Variants in GPC5 observed in about 807,000 individuals in gnomAD.
GPC5 encodes the protein glypican-5.
A neutral mutation model predicts 53.9 loss-of-function variants in GPC5; 47 were observed. That is an observed-to-expected ratio of 0.87 (90% CI 0.69 to 1.11). GPC5 has a LOEUF of 1.11. GPC5 is among the 50% of genes most tolerant of loss of function. The pLI, the probability that GPC5 is intolerant of heterozygous loss-of-function variation, is 0.00. For missense variants in GPC5, 748 were observed against 713.1 expected, an observed-to-expected ratio of 1.05 and a Z score of -0.56; for synonymous variants, 286 against 263.3, an observed-to-expected ratio of 1.09 and a Z score of -0.84.
At chr13:91,790,673 T>C (rs1263569085) in intron 5 of GPC5, among the ~76,000 whole-genome samples, 2 of 152,212 alleles carry the variant, frequency 1.3e-5, no homozygotes, top group African/African-American at 4.8e-5. Flanking sequence ...TCTGATAGAG[T>C]GTGATAAACT....
chr13:92,802,204 A>G (rs369400129), intron 7 of GPC5, among the ~76,000 whole-genome samples: 2 of 151,796 alleles, frequency 1.3e-5, no homozygotes, highest in Admixed American at 6.6e-5. Flanking sequence ...TTGCGTTACA[A>G]TTGCCTACAG....
chr13:91,842,582 G>T (rs942527839), intron 5 of GPC5, among the ~76,000 whole-genome samples: 1 of 149,940 alleles, frequency 6.7e-6, no homozygotes, highest in Non-Finnish European at 1.5e-5. Context: ...GGCGCCTGTA[G>T]TCCCAGCTAC....
chr13:92,783,964 T>C (rs753736167), intron 7 of GPC5, among the ~76,000 whole-genome samples: 2 of 152,206 alleles, frequency 1.3e-5, no homozygotes, highest in Non-Finnish European at 2.9e-5. Context: ...TCCCCCTTCA[T>C]ATCTAAAGCC....
intron 5 of GPC5, among the ~76,000 whole-genome samples, chr13:91,856,510 A>G (rs1476304409): frequency 1.3e-5 from 2 of 151,546 alleles, no homozygotes; most frequent in Admixed American, 6.6e-5. Context: ...CAATTCTGCA[A>G]GTAGTAACTC....
At chr13:91,892,948 AT>A (rs1233481331) in intron 5 of GPC5, among the ~76,000 whole-genome samples, 1 of 151,994 alleles carries the variant, frequency 6.6e-6, no homozygotes, top group Non-Finnish European at 1.5e-5. Flanking sequence ...AAACTAAGAT[AT>A]TAGATAAAAT....
intron 6 of GPC5, among the ~76,000 whole-genome samples, chr13:92,064,870 G>A (rs2041155658): frequency 6.6e-6 from 1 of 151,648 alleles, no homozygotes; most frequent in African/African-American, 2.4e-5. Context: ...GATACCTAGA[G>A]GAGTGTTTCT....
chr13:92,674,818 C>T (rs575417518), intron 7 of GPC5, among the ~76,000 whole-genome samples: 271 of 152,202 alleles, frequency 1.8e-3, no homozygotes, highest in African/African-American at 6.3e-3. Flanking sequence ...CAGAACCTCA[C>T]TTTAGAGAGA....
chr13:92,164,576 C>T (rs189968891), intron 7 of GPC5, among the ~76,000 whole-genome samples: 1 of 152,330 alleles, frequency 6.6e-6, no homozygotes, highest in Admixed American at 6.5e-5. Flanking sequence ...GGCCCTCCGT[C>T]CTGACTGCTT....
At chr13:91,894,998 G>T (rs1246417072) in intron 5 of GPC5, among the ~76,000 whole-genome samples, 1 of 151,774 alleles carries the variant, frequency 6.6e-6, no homozygotes, top group East Asian at 1.9e-4. Flanking sequence ...ATCCTAGGAG[G>T]GATGTTAAGA....
intron 2 of GPC5, among the ~76,000 whole-genome samples, chr13:91,670,743 T>C (rs968871797): frequency 6.6e-5 from 10 of 152,168 alleles, no homozygotes; most frequent in African/African-American, 2.2e-4. Flanking sequence ...AACAGAGGAA[T>C]GTGAAATAAT....
intron 2 of GPC5, among the ~76,000 whole-genome samples, chr13:91,683,733 A>T (rs540543760): frequency 2.5e-4 from 38 of 152,286 alleles, no homozygotes; most frequent in African/African-American, 9.1e-4. Flanking sequence ...TTACTCAAGG[A>T]ATTTCCTCCT....
chr13:91,845,412 T>C (rs1224894807), intron 5 of GPC5, among the ~76,000 whole-genome samples: 1 of 152,180 alleles, frequency 6.6e-6, no homozygotes, highest in African/African-American at 2.4e-5. Context: ...TGCATTTCCA[T>C]TGTGAAATGA....
intron 6 of GPC5, among the ~76,000 whole-genome samples, chr13:92,124,248 GAA>G (rs34042033): frequency 2.3e-3 from 125 of 54,980 alleles, no homozygotes; most frequent in African/African-American, 4.4e-3. Flanking sequence ...CGGACAGAAT[GAA>G]AAAAAAAAAA....
intron 7 of GPC5, 31 bp downstream of exon 7, chr13:92,145,020 A>G (rs1042422105): frequency 7.5e-7 from 1 of 1,332,588 alleles, no homozygotes; most frequent in Non-Finnish European, 9.7e-7. Context: ...CCACTTTTTT[A>G]AAACAATGAT....
At chr13:91,509,290 T>A (rs1250861689) in intron 2 of GPC5, among the ~76,000 whole-genome samples, 2 of 64,834 alleles carry the variant, frequency 3.1e-5, no homozygotes, top group African/African-American at 6.8e-5. Flanking sequence ...ACTACATAAC[T>A]GTTGCAAACA....
intron 2 of GPC5, among the ~76,000 whole-genome samples, chr13:91,577,524 T>C (rs1213210677): frequency 6.6e-6 from 1 of 152,222 alleles, no homozygotes; most frequent in East Asian, 1.9e-4. Context: ...CTTCCCTGAC[T>C]GTTGTTGATG....
At chr13:92,802,529 C>A (rs1418942312) in intron 7 of GPC5, among the ~76,000 whole-genome samples, 1 of 151,818 alleles carries the variant, frequency 6.6e-6, no homozygotes, top group Non-Finnish European at 1.5e-5. Flanking sequence ...CTCACAACAG[C>A]AAAGACTTGG....
intron 7 of GPC5, among the ~76,000 whole-genome samples, chr13:92,518,657 A>C (rs1328997462): frequency 6.6e-6 from 1 of 152,188 alleles, no homozygotes; most frequent in Non-Finnish European, 1.5e-5. Context: ...ACAACCAATA[A>C]CAGCCACTGC....
chr13:91,914,006 C>A (rs1267945395), intron 6 of GPC5, among the ~76,000 whole-genome samples: 1 of 152,104 alleles, frequency 6.6e-6, no homozygotes, highest in South Asian at 2.1e-4. Flanking sequence ...TGAGGAAATG[C>A]GAGAGCCTTT....
Sources: gnomAD v4.1 joint callset for allele counts (sites outside exome capture counted in the v4.1 genomes callset) on GRCh38, gnomAD v4.1.1 for gene constraint, MANE v1.5 for transcripts, NCBI Gene and HGNC (gene_info 2026-07-23, HGNC 2026-07-21) for gene names.